PPP3CA: variants seen among roughly 807,000 people sequenced by gnomAD.
PPP3CA encodes the protein CAM-PRP catalytic subunit.
A neutral mutation model predicts 66.5 loss-of-function variants in PPP3CA; 14 were observed. The observed-to-expected ratio is 0.21, with a 90% CI of 0.14 to 0.33. The LOEUF (loss-of-function observed/expected upper bound fraction) is 0.33, where lower values mean the gene tolerates loss of function less well. Among genes scored for constraint, PPP3CA ranks in the 10% least tolerant of loss-of-function variants. The pLI, the probability that PPP3CA is intolerant of heterozygous loss-of-function variation, is 1.00. For synonymous variants in PPP3CA, 232 were observed against 226.2 expected, an observed-to-expected ratio of 1.03 and a Z score of -0.23; for missense variants, 317 against 639.5, an observed-to-expected ratio of 0.50 and a Z score of 5.44.
At chr4:101,180,915 T>C (rs1416836608) in intron 2 of PPP3CA, among the ~76,000 whole-genome samples, 1 of 152,014 alleles carries the variant, frequency 6.6e-6, no homozygotes, top group Non-Finnish European at 1.5e-5. Context: ...ATTAGCACAC[T>C]ATATTACTAC....
At chr4:101,253,928 A>G (rs1428741072) in intron 1 of PPP3CA, among the ~76,000 whole-genome samples, 1 of 152,114 alleles carries the variant, frequency 6.6e-6, no homozygotes. Flanking sequence ...AAATTATACA[A>G]TACAGGAAGT....
chr4:101,299,106 GTTTTTTTT>G lies in PPP3CA; in HGVS notation c.58+47625_58+47632del, dbSNP rs556244769. Reference sequence around the variant, plus strand: ...ATGTCAATATCAAGTGCCATATATCGTTTTTTTTTTTTTTTTTTTTTTTTTTGGTACAG... The same window carrying G: ...ATGTCAATATCAAGTGCCATATATCGTTTTTTTTTTTTTTTTTTGGTACAG... On this transcript the variant is annotated intron_variant, in intron 1 of 13. Transcript: ENST00000394854. Among the ~76,000 whole-genome samples the G allele has an allele frequency of 1.3e-3, 115 of 85,530 alleles. 1 individual carries two copies. Among genetic ancestry groups the G allele is most frequent in the East Asian group, 3.8e-3 (12 of 3,118 alleles). The allele number at this position is 85,530 out of a possible 152,430, so 56.1% of individuals were successfully genotyped here.
intron 1 of PPP3CA, among the ~76,000 whole-genome samples, chr4:101,318,464 T>G (rs146743257): frequency 3.3e-5 from 5 of 152,324 alleles, no homozygotes; most frequent in African/African-American, 1.2e-4. Flanking sequence ...ATGATGTGCT[T>G]AGATTTCAGC....
At chr4:101,217,368 C>T (rs1430754506) in intron 1 of PPP3CA, among the ~76,000 whole-genome samples, 1 of 152,150 alleles carries the variant, frequency 6.6e-6, no homozygotes, top group African/African-American at 2.4e-5. Context: ...ACTGTTCACA[C>T]TATTCTCTTC....
chr4:101,301,731 T>C (rs866290003), intron 1 of PPP3CA, among the ~76,000 whole-genome samples: 1 of 149,200 alleles, frequency 6.7e-6, no homozygotes, highest in Non-Finnish European at 1.5e-5. Context: ...GACCTCGTGA[T>C]CCACCCGCCT....
At chr4:101,320,473 TA>T (rs1209431966) in intron 1 of PPP3CA, among the ~76,000 whole-genome samples, 3 of 126,984 alleles carry the variant, frequency 2.4e-5, no homozygotes, top group African/African-American at 3.6e-5. Flanking sequence ...TGTATGTATG[TA>T]TGTGTGTGTG....
At chr4:101,106,446 A>AAAGGAAGG (rs1560605026) in intron 3 of PPP3CA, among the ~76,000 whole-genome samples, 1 of 11,260 alleles carries the variant, frequency 8.9e-5, no homozygotes, top group African/African-American at 4.0e-4. Context: ...AGAAAGAAAG[A>AAAGGAAGG]AAGAAAGAGA....
intron 1 of PPP3CA, among the ~76,000 whole-genome samples, chr4:101,214,700 T>A (rs1329585270): frequency 4.0e-5 from 6 of 151,658 alleles, no homozygotes; most frequent in Non-Finnish European, 5.9e-5. Context: ...TTCTAAGGAG[T>A]CATTCATATA....
chr4:101,098,542 G>T lies in PPP3CA; in HGVS notation c.497-30C>A. On this transcript the variant is annotated intron_variant, in intron 4 of 13. Coordinates refer to ENST00000394854, the MANE Select transcript of PPP3CA (RefSeq NM_000944.5). Reference sequence around the variant, plus strand: ...TAGAAGTGATTAAAAGAATACTTATGATTTATAGGCAGGATCATTTCACTG... The same window carrying T: ...TAGAAGTGATTAAAAGAATACTTATTATTTATAGGCAGGATCATTTCACTG... 1.9e-6 allele frequency: 3 copies of T among 1,558,448 alleles called. No individual in the cohort carries two copies. The South Asian group carries it at 3.7e-5, about 19-fold the overall frequency.
intron 1 of PPP3CA, among the ~76,000 whole-genome samples, chr4:101,331,438 G>A (rs1309630589): frequency 6.6e-6 from 1 of 152,156 alleles, no homozygotes; most frequent in Non-Finnish European, 1.5e-5. Flanking sequence ...TAATGTGCCA[G>A]GCATTGCACT....
At chr4:101,292,111 C>T (rs1178628987) in intron 1 of PPP3CA, among the ~76,000 whole-genome samples, 2 of 151,510 alleles carry the variant, frequency 1.3e-5, no homozygotes, top group East Asian at 3.9e-4. Context: ...CACACACACA[C>T]ACACACACAC....
At chr4:101,324,107 A>G (rs1362102977) in intron 1 of PPP3CA, among the ~76,000 whole-genome samples, 1 of 147,952 alleles carries the variant, frequency 6.8e-6, no homozygotes, top group East Asian at 2.0e-4. Context: ...GACAAAAGAA[A>G]GAAAGAAAAG....
Position 101,346,625 on chromosome 4 carries a change from G to A in PPP3CA, c.58+114C>T, listed in dbSNP as rs1003631115. On this transcript the variant is annotated intron_variant, in intron 1 of 13. Transcript: ENST00000394854. The stretch of plus-strand genomic sequence containing the variant: ...ACAATATCCTAGAAGGTCCGCGGCT[G>A]GAGCGGACAGAGGAGAACCTGGGGC... The A allele has an allele frequency of 1.1e-4, 104 of 910,470 alleles. 1 individual carries two copies. Among genetic ancestry groups the A allele is most frequent in the Non-Finnish European group, 1.6e-4 (91 of 585,640 alleles). The allele number at this position is 910,470 out of a possible 1,614,324, so 56.4% of individuals were successfully genotyped here.
intron 1 of PPP3CA, among the ~76,000 whole-genome samples, chr4:101,285,550 T>C (rs1217558400): frequency 6.6e-6 from 1 of 151,552 alleles, no homozygotes; most frequent in Non-Finnish European, 1.5e-5. Context: ...TTTCAAAGAA[T>C]TAATTGATAC....
At chr4:101,276,945 C>T (rs1320908951) in intron 1 of PPP3CA, among the ~76,000 whole-genome samples, 1 of 151,712 alleles carries the variant, frequency 6.6e-6, no homozygotes, top group African/African-American at 2.4e-5. Context: ...CGGATTTCAA[C>T]AAATGTATAA....
chr4:101,093,614 C>G (rs1333451355), intron 6 of PPP3CA, among the ~76,000 whole-genome samples, 162 bp downstream of exon 6: 2 of 152,104 alleles, frequency 1.3e-5, no homozygotes, highest in East Asian at 3.9e-4. Context: ...TTTATTTACT[C>G]ACTTATTCAT....
chr4:101,153,097 A>G (rs974725583), intron 2 of PPP3CA, among the ~76,000 whole-genome samples: 3 of 152,168 alleles, frequency 2.0e-5, no homozygotes, highest in Non-Finnish European at 1.5e-5. Context: ...AGAAAGCAGA[A>G]AGCAGTCCTC....
chr4:101,241,524 T>C (rs188778314), intron 1 of PPP3CA, among the ~76,000 whole-genome samples: 52 of 152,274 alleles, frequency 3.4e-4, no homozygotes, highest in Admixed American at 1.2e-3. Context: ...AATCATTTTA[T>C]TTTATATTTA....
chr4:101,336,145 G>A lies in PPP3CA; in HGVS notation c.58+10594C>T, dbSNP rs774255374. Among the ~76,000 whole-genome samples the A allele has an allele frequency of 9.1e-4, 138 of 151,614 alleles. 1 individual carries two copies. Among genetic ancestry groups the A allele is most frequent in the Non-Finnish European group, 1.4e-3 (93 of 67,896 alleles). On this transcript the variant is annotated intron_variant, in intron 1 of 13. Transcript: ENST00000394854. ...TGGAAGAATGGCTTGAATCCAGGAG[G>A]CGGAGCTTGCAATGAGCCAAGATCA...
Sources: gnomAD v4.1 joint callset for allele counts (sites outside exome capture counted in the v4.1 genomes callset) on GRCh38, gnomAD v4.1.1 for gene constraint, MANE v1.5 for transcripts, NCBI Gene and HGNC (gene_info 2026-07-23, HGNC 2026-07-21) for gene names.